The following ADAMTS17 variants were observed in gnomAD, a reference collection of about 807,000 sequenced individuals.
The protein encoded by ADAMTS17 is A disintegrin and metalloproteinase with thrombospondin motifs 17.
Under a neutral mutation model 141.5 loss-of-function variants are expected in ADAMTS17, and 113 were observed. The observed-to-expected ratio is 0.80, with a 90% CI of 0.69 to 0.93. ADAMTS17 has a LOEUF of 0.93. ADAMTS17 is among the 40% of genes least tolerant of loss of function. The pLI is 0.00. For missense variants in ADAMTS17, 1,659 were observed against 1,517.9 expected (o/e 1.09, Z -1.54); for synonymous variants, 768 against 630.6 (o/e 1.22, Z -3.27).
At chr15:100,172,298 T>C (rs2040189293) in intron 8 of ADAMTS17, among the ~76,000 whole-genome samples, 2 of 152,180 alleles carry the variant, frequency 1.3e-5, no homozygotes, top group South Asian at 4.2e-4. Flanking sequence ...TTTTAGAGGT[T>C]CCAGGTGATT....
chr15:100,020,981 C>G (rs2573683), intron 18 of ADAMTS17, among the ~76,000 whole-genome samples: 16,409 of 152,202 alleles, frequency 0.11, 2,348 homozygotes, highest in African/African-American at 0.33. Flanking sequence ...CTCCACTTCT[C>G]TATCTCCTTC....
At chr15:100,090,343 G>A (rs2035378221) in intron 15 of ADAMTS17, among the ~76,000 whole-genome samples, 1 of 152,212 alleles carries the variant, frequency 6.6e-6, no homozygotes, top group African/African-American at 2.4e-5. Context: ...TGTTCTTGAA[G>A]GAAGCTGCTG....
intron 15 of ADAMTS17, among the ~76,000 whole-genome samples, chr15:100,074,364 T>G (rs560952955): frequency 6.6e-6 from 1 of 151,552 alleles, no homozygotes; most frequent in African/African-American, 2.4e-5. Flanking sequence ...ATCTCATATA[T>G]AACATATTTT....
chr15:99,986,719 G>A (rs2097506893), intron 20 of ADAMTS17, among the ~76,000 whole-genome samples: 1 of 152,116 alleles, frequency 6.6e-6, no homozygotes, highest in African/African-American at 2.4e-5. Context: ...CATTTCAGTG[G>A]TGATTAATGC....
chr15:100,110,236 AATATAT>A (rs71151937), intron 13 of ADAMTS17, among the ~76,000 whole-genome samples: 18 of 139,592 alleles, frequency 1.3e-4, no homozygotes, highest in Non-Finnish European at 2.3e-4. Flanking sequence ...TATTTATATA[AATATAT>A]ATATATATAA....
rs6598294 is a variant in ADAMTS17, at chr15:100,047,240, A to C, written c.2591+1617T>G. On this transcript the variant is annotated intron_variant, in intron 18 of 21. Coordinates refer to ENST00000268070, the MANE Select transcript of ADAMTS17 (RefSeq NM_139057.4). ...CCCTATCTCCTGATAAGACGTTATCAATGACAATGGTGCCCGAAACTTCAT... is the reference window on the plus strand; with the variant it reads ...CCCTATCTCCTGATAAGACGTTATCCATGACAATGGTGCCCGAAACTTCAT... Among the ~76,000 whole-genome samples, 3 of 128,242 alleles carry C rather than the reference A, an allele frequency of 2.3e-5. 1 individual carries two copies. The highest frequency in any genetic ancestry group is 1.0e-4 in the African/African-American group (3 of 29,796). The allele number at this position is 128,242 out of a possible 152,430, so 84.1% of individuals were successfully genotyped here. A position where few individuals can be genotyped will look rare whatever the true frequency, so the allele number is the denominator to read the frequency against.
At chr15:100,266,694 T>C (rs975007730) in intron 4 of ADAMTS17, among the ~76,000 whole-genome samples, 3 of 152,084 alleles carry the variant, frequency 2.0e-5, no homozygotes, top group Non-Finnish European at 2.9e-5. Flanking sequence ...CACTGGCTGG[T>C]TGCTTATGTT....
At chr15:100,305,595 G>A (rs2045196302) in intron 3 of ADAMTS17, among the ~76,000 whole-genome samples, 1 of 152,226 alleles carries the variant, frequency 6.6e-6, no homozygotes. Flanking sequence ...CCATTCTGCT[G>A]GGCCATGGTG....
At chr15:100,299,700 C>T (rs2044960346) in intron 3 of ADAMTS17, among the ~76,000 whole-genome samples, 1 of 152,158 alleles carries the variant, frequency 6.6e-6, no homozygotes, top group Admixed American at 6.5e-5. Context: ...GGTCTTTCAT[C>T]TTTGACAAGG....
intron 2 of ADAMTS17, among the ~76,000 whole-genome samples, chr15:100,337,949 T>A (rs1227042874): frequency 6.6e-6 from 1 of 152,228 alleles, no homozygotes. Context: ...CGAACTTACA[T>A]AAATTCACGA....
chr15:100,070,019 C>T (rs1236234926), intron 15 of ADAMTS17, among the ~76,000 whole-genome samples: 6 of 150,088 alleles, frequency 4.0e-5, no homozygotes, highest in Non-Finnish European at 7.4e-5. Flanking sequence ...CAGAGACACA[C>T]ATAGGCTCAA....
At chr15:99,987,314 ATGCTGCTGC>A (rs542154978) in intron 20 of ADAMTS17, among the ~76,000 whole-genome samples, 10 of 152,096 alleles carry the variant, frequency 6.6e-5, no homozygotes, top group Admixed American at 2.6e-4. Flanking sequence ...CCTGCTTAGC[ATGCTGCTGC>A]TGCTGCTGCT....
At chr15:100,330,036 C>A (rs2046002994) in intron 3 of ADAMTS17, among the ~76,000 whole-genome samples, 1 of 152,160 alleles carries the variant, frequency 6.6e-6, no homozygotes, top group South Asian at 2.1e-4. Context: ...TGGGGTCCCA[C>A]GATCTCCTGG....
chr15:100,081,571 C>T (rs1287490306), intron 15 of ADAMTS17, among the ~76,000 whole-genome samples: 1 of 152,186 alleles, frequency 6.6e-6, no homozygotes, highest in African/African-American at 2.4e-5. Flanking sequence ...TGGCTTTGTA[C>T]ATGTCTTCTT....
intron 15 of ADAMTS17, among the ~76,000 whole-genome samples, chr15:100,095,022 G>C (rs981387080): frequency 2.6e-5 from 4 of 152,324 alleles, no homozygotes; most frequent in Admixed American, 2.6e-4. Context: ...TTTTCCCAGT[G>C]AGATGGAAAG....
chr15:100,102,422 G>A (rs542616213), intron 14 of ADAMTS17, among the ~76,000 whole-genome samples: 2 of 77,102 alleles, frequency 2.6e-5, no homozygotes, highest in South Asian at 4.7e-4. Flanking sequence ...AGGGCCGACC[G>A]AAGGGGATCT....
In ADAMTS17 at chr15:100,341,354, G is replaced by C. The variant is rs958960649; in HGVS notation, c.135C>G (p.Pro45=). The C allele has an allele frequency of 8.8e-6, 9 of 1,018,728 alleles. No individual in the cohort carries two copies. Among genetic ancestry groups the C allele is most frequent in the East Asian group, 1.9e-4 (2 of 10,392 alleles). The allele number at this position is 1,018,728 out of a possible 1,614,324, so 63.1% of individuals were successfully genotyped here. ...GCAGCGGCGGCAGGTGCACGTCGTC[G>C]GGGCGCACCCGCCACGGGAGCACCA... ...VEVVLPWRVR[P]DDVHLPPLPA... is the part of the protein sequence containing the mutation. Residue 45 remains proline, a synonymous_variant, in exon 2 of 22, where the codon CCC becomes CCG. Coordinates refer to ENST00000268070, the MANE Select transcript of ADAMTS17 (RefSeq NM_139057.4).
intron 4 of ADAMTS17, among the ~76,000 whole-genome samples, chr15:100,266,336 A>C (rs1023503825): frequency 5.9e-5 from 9 of 152,142 alleles, no homozygotes; most frequent in African/African-American, 2.2e-4. Flanking sequence ...AAAACCCACA[A>C]CTGCAGGGCC....
At chr15:100,311,350 T>C (rs1168039390) in intron 3 of ADAMTS17, among the ~76,000 whole-genome samples, 1 of 152,224 alleles carries the variant, frequency 6.6e-6, no homozygotes, top group Non-Finnish European at 1.5e-5. Context: ...CTCAGCCGCC[T>C]GGCCCATGGC....
Sources: gnomAD v4.1 joint callset for allele counts (sites outside exome capture counted in the v4.1 genomes callset) on GRCh38, gnomAD v4.1.1 for gene constraint, MANE v1.5 for transcripts, NCBI Gene and HGNC (gene_info 2026-07-23, HGNC 2026-07-21) for gene names.